The following C18orf54 variants were observed in gnomAD, a reference collection of about 807,000 sequenced individuals.
The protein encoded by C18orf54 is lung adenoma susceptibility protein 2.
In C18orf54, 49 loss-of-function variants were observed where a neutral mutation model predicts 49.3. That is an observed-to-expected ratio of 0.99 (90% confidence interval 0.79 to 1.26). The LOEUF is 1.26. Ranked by LOEUF, C18orf54 falls within the 50% of genes most tolerant of loss-of-function variation. C18orf54 has a pLI of 0.00. For missense variants in C18orf54, 687 were observed against 620.6 expected, an observed-to-expected ratio of 1.11 and a Z score of -1.14; for synonymous variants, 211 against 216.6, an observed-to-expected ratio of 0.97 and a Z score of 0.23.
In C18orf54 at chr18:54,362,726, A is replaced by G. The variant is rs759985779; in HGVS notation, c.1073-45A>G. On this transcript the variant is annotated intron_variant, in intron 4 of 8. Coordinates refer to ENST00000620105, the MANE Select transcript of C18orf54 (RefSeq NM_001288980.2). ...TTTGTGAGATTTTGCTATGCTTTAC[A>G]TTAATTTTTTTCTTCAAGGATTAAT... The G allele has an allele frequency of 4.1e-5, 63 of 1,535,256 alleles. 2 individuals are homozygous for G. The South Asian group carries it at 7.1e-4, about 17-fold the overall frequency.
intron 8 of C18orf54, among the ~76,000 whole-genome samples, chr18:54,374,914 G>A (rs1599350024): frequency 6.6e-6 from 1 of 151,872 alleles, no homozygotes; most frequent in East Asian, 1.9e-4. Flanking sequence ...ATTTCACTTG[G>A]CTACCTTTTG....
At chr18:54,367,003 G>C (rs529802820) in intron 6 of C18orf54, among the ~76,000 whole-genome samples, 1 of 152,178 alleles carries the variant, frequency 6.6e-6, no homozygotes, top group Admixed American at 6.5e-5. Context: ...GTTACCACTT[G>C]TGTGGAATAT....
intron 8 of C18orf54, among the ~76,000 whole-genome samples, chr18:54,374,649 C>A (rs527877886): frequency 1.5e-4 from 23 of 151,694 alleles, no homozygotes; most frequent in African/African-American, 4.3e-4. Context: ...ATAAATGGAT[C>A]GTGATTTGGA....
At chr18:54,370,866 A>C (rs1006781980) in intron 6 of C18orf54, among the ~76,000 whole-genome samples, 3 of 152,078 alleles carry the variant, frequency 2.0e-5, no homozygotes, top group African/African-American at 7.2e-5. Context: ...GGCTGGATGC[A>C]GATCATTTGG....
chr18:54,361,953 G>C lies in C18orf54; in HGVS notation c.594G>C (p.Arg198Ser). 1 of 1,614,008 alleles carries C rather than the reference G, an allele frequency of 6.2e-7. No homozygotes were observed. The highest frequency in any genetic ancestry group is 1.7e-5 in the Admixed American group (1 of 60,022). ...RSNINGKQCG[R>S]LKNPKLMNRT... The stretch of plus-strand genomic sequence containing the variant: ...ATATAAATGGAAAGCAATGTGGTAG[G>C]CTGAAAAACCCAAAACTTATGAATA... The change falls in exon 4 of 9, where the codon AGG (arginine) becomes AGC (serine). Residue 198 changes from arginine to serine, a missense_variant. By Grantham distance (110) the Arg-to-Ser change is moderately radical. Coordinates refer to ENST00000620105, the MANE Select transcript of C18orf54 (RefSeq NM_001288980.2).
intron 4 of C18orf54, 71 bp from the exon 5 acceptor site, chr18:54,362,700 C>G (rs1176489055): frequency 7.5e-7 from 1 of 1,340,004 alleles, no homozygotes; most frequent in Non-Finnish European, 1.0e-6. Context: ...CTCTTGTTGA[C>G]TTTGTGAGAT....
chr18:54,380,662 CTTG>C lies in C18orf54; in HGVS notation c.*2420_*2422del, dbSNP rs1267246764. ...ATATGTCATTATAGTTATGTTATTT[CTTG>C]TTGAAATTTATAATTGTAGGTTTTT... On this transcript the variant is annotated 3_prime_UTR_variant, in exon 9 of 9. Transcript: ENST00000620105. 10 of 152,004 alleles carry C rather than the reference CTTG, an allele frequency of 6.6e-5. No homozygotes were observed. The East Asian group carries it at 1.7e-3, about 26-fold the overall frequency. 9.4% of individuals were successfully genotyped at this position (152,004 alleles called of 1,614,324 possible). A position where few individuals can be genotyped will look rare whatever the true frequency, so the allele number is the denominator to read the frequency against.
At position 54,362,178 on chromosome 18, in the gene C18orf54, T is replaced by G. The variant is rs1365384823; in HGVS notation, c.819T>G (p.Asp273Glu). The part of the protein sequence containing the change: ...VWLHNQDLLP[D>E]ANSQRVYQIF... ...TGCACAATCAAGACTTGCTACCTGA[T>G]GCAAATAGTCAAAGGGTTTATCAGA... Residue 273 changes from aspartate (D) to glutamate (E), a missense_variant, in exon 4 of 9, where the codon GAT becomes GAG. Transcript: ENST00000620105. 1 of 1,536,182 alleles carries G rather than the reference T, an allele frequency of 6.5e-7. No individual in the cohort carries two copies. Among genetic ancestry groups the G allele is most frequent in the Admixed American group, 2.0e-5 (1 of 51,002 alleles).
intron 8 of C18orf54, 131 bp downstream of exon 8, chr18:54,374,415 C>A: frequency 1.4e-6 from 1 of 702,990 alleles, no homozygotes; most frequent in Non-Finnish European, 1.9e-6. Context: ...TTGGAGCACA[C>A]TGTTTACACT....
In C18orf54 at chr18:54,360,678, G is replaced by A. The variant is rs761468606; in HGVS notation, c.106G>A (p.Gly36Ser). 7.4e-6 allele frequency: 12 copies of A among 1,614,054 alleles called. No homozygotes were observed. Among genetic ancestry groups the A allele is most frequent in the Non-Finnish European group, 1.0e-5 (12 of 1,179,958 alleles). Residue 36 changes from glycine to serine, a missense_variant, in exon 3 of 9, where the codon GGC (glycine) becomes AGC (serine). Gly to Ser is a moderately conservative substitution (Grantham distance 56). Coordinates refer to ENST00000620105, the MANE Select transcript of C18orf54 (RefSeq NM_001288980.2). Reference sequence around the variant, plus strand: ...TGGTAGTAATTCCTCTAATTCTGATGGCTCGTTTCACTATAAAGATAAGCT... The same window carrying A: ...TGGTAGTAATTCCTCTAATTCTGATAGCTCGTTTCACTATAAAGATAAGCT... ...LSGSNSSNSDGSFHYKDKLYR... is the reference protein window; with the variant it reads ...LSGSNSSNSDSSFHYKDKLYR...
chr18:54,361,973 T>A lies in C18orf54; in HGVS notation c.614T>A (p.Met205Lys). 6.2e-7 allele frequency: 1 copy of A among 1,613,898 alleles called. No individual in the cohort carries two copies. Among genetic ancestry groups the A allele is most frequent in the Non-Finnish European group, 8.5e-7 (1 of 1,179,928 alleles). The change falls in exon 4 of 9, where the codon ATG (methionine) becomes AAG (lysine). Residue 205 changes from methionine (M) to lysine (K), a missense_variant. Met to Lys is a moderately conservative substitution (Grantham distance 95). Transcript: ENST00000620105. ...GGTAGGCTGAAAAACCCAAAACTTATGAATAGGACTAATAATTGCATTTCT... is the reference window on the plus strand; with the variant it reads ...GGTAGGCTGAAAAACCCAAAACTTAAGAATAGGACTAATAATTGCATTTCT... Reference protein sequence around the residue: ...QCGRLKNPKLMNRTNNCISES... With the variant: ...QCGRLKNPKLKNRTNNCISES...
rs375715585 is a variant in C18orf54 at position 54,380,809 on chromosome 18, G to T, written c.*2563G>T. ...CCCTGTTTATTCCTGTGTTACAGAC[G>T]CATGGAATTGCTCCTGTAGATTTGA... On this transcript the variant is annotated 3_prime_UTR_variant, in exon 9 of 9. Transcript: ENST00000620105. 1 of 152,070 alleles carries T rather than the reference G, an allele frequency of 6.6e-6. No homozygotes were observed. Among genetic ancestry groups the T allele is most frequent in the Non-Finnish European group, 1.5e-5 (1 of 67,972 alleles). The allele number at this position is 152,070 out of a possible 1,614,324, so 9.4% of individuals were successfully genotyped here.
In C18orf54 at chr18:54,380,260, TG is replaced by T. The variant is rs1186324032; in HGVS notation, c.*2016del. On this transcript the variant is annotated 3_prime_UTR_variant, in exon 9 of 9. Transcript: ENST00000620105. The stretch of plus-strand genomic sequence containing the variant: ...AGGGGAAAAGAGCAGGATAACAGTG[TG>T]GAGACTGCTAAGTTGAGAATTTAAA... 6 of 152,036 alleles carry T rather than the reference TG, an allele frequency of 3.9e-5. No individual in the cohort carries two copies. Among genetic ancestry groups the T allele is most frequent in the South Asian group, 2.1e-4 (1 of 4,826 alleles). 9.4% of individuals were successfully genotyped at this position (152,036 alleles called of 1,614,324 possible).
chr18:54,361,438 C>T (rs1039828718), intron 3 of C18orf54, among the ~76,000 whole-genome samples: 3 of 152,010 alleles, frequency 2.0e-5, no homozygotes, highest in Non-Finnish European at 4.4e-5. Flanking sequence ...TGGAGAGAAA[C>T]GTAGAAATTA....
At position 54,380,779 on chromosome 18, in the gene C18orf54, A is replaced by C. The variant is rs1026670430; in HGVS notation, c.*2533A>C. The C allele has an allele frequency of 2.6e-5, 4 of 152,268 alleles. No homozygotes were observed. Among genetic ancestry groups the C allele is most frequent in the African/African-American group, 7.2e-5 (3 of 41,572 alleles). 9.4% of individuals were successfully genotyped at this position (152,268 alleles called of 1,614,324 possible). A position where few individuals can be genotyped will look rare whatever the true frequency, so the allele number is the denominator to read the frequency against. ...TATTGCCTGAAGATAAATCATGACA[A>C]GGTCCCCTGTTTATTCCTGTGTTAC... On this transcript the variant is annotated 3_prime_UTR_variant, in exon 9 of 9. Transcript: ENST00000620105.
chr18:54,372,403 T>C (rs1227608590), intron 6 of C18orf54, 63 bp from the exon 7 acceptor site: 1 of 1,347,198 alleles, frequency 7.4e-7, no homozygotes, highest in Non-Finnish European at 9.8e-7. Flanking sequence ...TAATACAAAA[T>C]AAAACTCTTC....
intron 6 of C18orf54, among the ~76,000 whole-genome samples, chr18:54,371,188 T>C (rs1006485923): frequency 2.3e-5 from 3 of 131,540 alleles, no homozygotes; most frequent in African/African-American, 9.2e-5. Flanking sequence ...GCTTTTTACT[T>C]TCTGTCCCTA....
At chr18:54,369,442 C>CTAGATTACA (rs1234443057) in intron 6 of C18orf54, among the ~76,000 whole-genome samples, 1 of 144,776 alleles carries the variant, frequency 6.9e-6, no homozygotes, top group Non-Finnish European at 1.5e-5. Context: ...AATGTACTAA[C>CTAGATTACA]TAGATTACAT....
intron 4 of C18orf54, 133 bp downstream of exon 4, chr18:54,362,564 A>C (rs895811551): frequency 2.2e-6 from 2 of 917,594 alleles, no homozygotes; most frequent in African/African-American, 3.4e-5. Context: ...TGGAATGCTT[A>C]TAATCTTCAC....
Sources: gnomAD v4.1 joint callset for allele counts (sites outside exome capture counted in the v4.1 genomes callset) on GRCh38, gnomAD v4.1.1 for gene constraint, MANE v1.5 for transcripts, NCBI Gene and HGNC (gene_info 2026-07-23, HGNC 2026-07-21) for gene names.